The following IQCK variants were observed in gnomAD, a reference collection of about 807,000 sequenced individuals.
IQCK encodes IQ motif containing K.
Under a neutral mutation model 28.1 loss-of-function variants are expected in IQCK, and 29 were observed. That is an observed-to-expected ratio of 1.03 (90% CI 0.77 to 1.41). The LOEUF (loss-of-function observed/expected upper bound fraction) is 1.41, where lower values mean the gene tolerates loss of function less well. Ranked by LOEUF, IQCK falls within the 40% of genes most tolerant of loss-of-function variation. The pLI, the probability that IQCK is intolerant of heterozygous loss-of-function variation, is 0.00. For missense variants in IQCK, 359 were observed against 314.7 expected, an observed-to-expected ratio of 1.14 and a Z score of -1.07; for synonymous variants, 113 against 115.1, an observed-to-expected ratio of 0.98 and a Z score of 0.12.
intron 6 of IQCK, among the ~76,000 whole-genome samples, chr16:19,779,486 G>A (rs1174786331): frequency 6.6e-6 from 1 of 151,866 alleles, no homozygotes; most frequent in Non-Finnish European, 1.5e-5. Context: ...ACAAATTATT[G>A]GGAATAAAAA....
intron 9 of IQCK, among the ~76,000 whole-genome samples, chr16:19,835,247 C>T (rs1211059593): frequency 6.6e-6 from 1 of 152,106 alleles, no homozygotes; most frequent in South Asian, 2.1e-4. Context: ...CACACTACTG[C>T]ACTCTAGCCT....
intron 4 of IQCK, among the ~76,000 whole-genome samples, chr16:19,754,867 T>C (rs1392919673): frequency 6.6e-6 from 1 of 152,046 alleles, no homozygotes; most frequent in African/African-American, 2.4e-5. Context: ...GCAGGAAAGG[T>C]GTGGTAGAAT....
intron 4 of IQCK, among the ~76,000 whole-genome samples, chr16:19,745,197 GTTA>G (rs1401341621): frequency 6.6e-6 from 1 of 152,124 alleles, no homozygotes; most frequent in African/African-American, 2.4e-5. Flanking sequence ...CATCGTCTAG[GTTA>G]TTTTCTTTCT....
intron 1 of IQCK, among the ~76,000 whole-genome samples, chr16:19,720,090 C>T (rs963313377): frequency 1.3e-5 from 2 of 152,092 alleles, no homozygotes; most frequent in East Asian, 3.9e-4. Flanking sequence ...CCAGTATATG[C>T]GATGACTCGA....
intron 9 of IQCK, among the ~76,000 whole-genome samples, chr16:19,845,405 T>C (rs1348144857): frequency 6.6e-6 from 1 of 152,208 alleles, no homozygotes; most frequent in Non-Finnish European, 1.5e-5. Flanking sequence ...AAGGTTCAGT[T>C]TGGGCAGCGG....
At chr16:19,850,880 G>A (rs1380522744) in intron 9 of IQCK, among the ~76,000 whole-genome samples, 3 of 152,082 alleles carry the variant, frequency 2.0e-5, no homozygotes, top group African/African-American at 7.2e-5. Context: ...AGCCAGGCAT[G>A]GTGGTGCGTG....
exon 1 of IQCK, chr16:19,718,483 C>T (rs776261496): frequency 6.2e-7 from 1 of 1,603,946 alleles, no homozygotes; most frequent in Admixed American, 1.7e-5. Context: ...AGCAGATCTG[C>T]AAGGGTAGGA....
intron 9 of IQCK, among the ~76,000 whole-genome samples, chr16:19,849,081 A>C (rs1338798577): frequency 6.6e-6 from 1 of 151,788 alleles, no homozygotes; most frequent in Non-Finnish European, 1.5e-5. Flanking sequence ...TTGGGCTCTA[A>C]TTGCAGCAAT....
intron 1 of IQCK, among the ~76,000 whole-genome samples, chr16:19,727,202 C>G (rs1300138174): frequency 1.3e-5 from 2 of 151,136 alleles, no homozygotes; most frequent in South Asian, 2.1e-4. Flanking sequence ...AAGGCAAAAA[C>G]TAATATGAGT....
At chr16:19,751,159 T>TG (rs1391131466) in intron 4 of IQCK, among the ~76,000 whole-genome samples, 2 of 152,018 alleles carry the variant, frequency 1.3e-5, no homozygotes, top group Admixed American at 6.6e-5. Context: ...ATAAATGAGA[T>TG]GGGGTGTGTC....
At chr16:19,736,552 T>G (rs1286883459) in intron 4 of IQCK, among the ~76,000 whole-genome samples, 1 of 152,200 alleles carries the variant, frequency 6.6e-6, no homozygotes, top group African/African-American at 2.4e-5. Flanking sequence ...TTTTCCGTAG[T>G]TCACGGGATA....
At chr16:19,824,749 A>G (rs2056123632) in intron 7 of IQCK, among the ~76,000 whole-genome samples, 1 of 152,208 alleles carries the variant, frequency 6.6e-6, no homozygotes, top group African/African-American at 2.4e-5. Context: ...AGAGGTAGAA[A>G]GATGAACCAG....
intron 6 of IQCK, among the ~76,000 whole-genome samples, chr16:19,778,640 G>C (rs1237336667): frequency 2.0e-5 from 3 of 152,020 alleles, no homozygotes; most frequent in Non-Finnish European, 2.9e-5. Flanking sequence ...CTGAGTAACA[G>C]AGTGAGACCC....
intron 9 of IQCK, among the ~76,000 whole-genome samples, chr16:19,834,571 G>T (rs558307733): frequency 7.2e-5 from 11 of 152,352 alleles, no homozygotes; most frequent in Non-Finnish European, 1.3e-4. Context: ...ACACTGGAGT[G>T]ACCACAGACC....
At chr16:19,785,608 T>G (rs940950442) in intron 6 of IQCK, among the ~76,000 whole-genome samples, 1 of 152,004 alleles carries the variant, frequency 6.6e-6, no homozygotes, top group Non-Finnish European at 1.5e-5. Context: ...GCGGGCCGAG[T>G]CTTTGTTTGC....
At chr16:19,722,779 C>T (rs1229764095) in intron 1 of IQCK, among the ~76,000 whole-genome samples, 2 of 151,270 alleles carry the variant, frequency 1.3e-5, no homozygotes, top group Non-Finnish European at 2.9e-5. Flanking sequence ...TACAGAGGTG[C>T]GATATCTGCT....
At chr16:19,789,295 G>C (rs2055588789) in intron 7 of IQCK, 1 of 72,886 alleles carries the variant, frequency 1.4e-5, no homozygotes, top group Non-Finnish European at 2.3e-5. Flanking sequence ...CTGTAGTCTA[G>C]CTGCTGTTGG....
intron 7 of IQCK, among the ~76,000 whole-genome samples, chr16:19,799,171 T>G (rs2055725392): frequency 8.4e-6 from 1 of 118,554 alleles, no homozygotes; most frequent in Admixed American, 7.5e-5. Context: ...AAGCCTACTC[T>G]CTCTCCTTAA....
intron 9 of IQCK, among the ~76,000 whole-genome samples, chr16:19,832,686 A>G (rs566733037): frequency 1.7e-4 from 26 of 152,360 alleles, no homozygotes; most frequent in Admixed American, 1.4e-3. Flanking sequence ...TCACACTGCT[A>G]TAAAGAATAC....
Sources: allele counts gnomAD v4.1 joint callset (sites outside exome capture counted in the v4.1 genomes callset), GRCh38; gene constraint gnomAD v4.1.1; transcripts MANE v1.5; gene names NCBI Gene and HGNC (gene_info 2026-07-23, HGNC 2026-07-21).